The following HTR3B variants were observed in gnomAD, a reference collection of about 807,000 sequenced individuals.
HTR3B encodes the protein 5-hydroxytryptamine (serotonin) receptor 3B, ionotropic.
HTR3B carries 44 observed loss-of-function variants against 42.8 expected under a neutral mutation model. The observed-to-expected ratio is 1.03, with a 90% confidence interval of 0.81 to 1.32. The LOEUF is 1.32. Ranked by LOEUF, HTR3B falls within the 40% of genes most tolerant of loss-of-function variation. HTR3B has a pLI of 0.00. For synonymous variants in HTR3B, 203 were observed against 209.0 expected (o/e 0.97, Z 0.25); for missense variants, 527 against 536.5 (o/e 0.98, Z 0.17).
rs116501837 is a variant in HTR3B at position 113,925,670 on chromosome 11, C to T, written c.214-5714C>T. Among the ~76,000 whole-genome samples the T allele has an allele frequency of 1.7e-3, 264 of 151,856 alleles. 1 individual carries two copies. The highest frequency in any genetic ancestry group is 6.0e-3 in the African/African-American group (247 of 41,434). The stretch of plus-strand genomic sequence containing the variant: ...CACATTTTATTTCCTATTTCTTCAT[C>T]TTGTGTTTTTTATCCTTTTATTCTC... On this transcript the variant is annotated intron_variant, in intron 2 of 8. Coordinates refer to ENST00000260191, the MANE Select transcript of HTR3B (RefSeq NM_006028.5).
rs539974762 is a variant in HTR3B, at chr11:113,917,609, T to G, written c.213+8154T>G. On this transcript the variant is annotated intron_variant, in intron 2 of 8. Coordinates refer to ENST00000260191, the MANE Select transcript of HTR3B (RefSeq NM_006028.5). ...ACACATTTAGACTTATATTTTTCTTTGTCTTTGGGGGTTTTTTTTGAGACA... is the reference window on the plus strand; with the variant it reads ...ACACATTTAGACTTATATTTTTCTTGGTCTTTGGGGGTTTTTTTTGAGACA... Among the ~76,000 whole-genome samples, 295 of 152,206 alleles carry G rather than the reference T, an allele frequency of 1.9e-3. 1 individual carries two copies. Among genetic ancestry groups the G allele is most frequent in the Non-Finnish European group, 3.2e-3 (215 of 68,006 alleles).
chr11:113,930,197 CA>C (rs751862285), intron 2 of HTR3B, among the ~76,000 whole-genome samples: 13 of 152,060 alleles, frequency 8.5e-5, no homozygotes, highest in Non-Finnish European at 1.6e-4. Flanking sequence ...CTTTAAAGCA[CA>C]AAAGTTTTTA....
At chr11:113,919,125 G>C (rs1949886834) in intron 2 of HTR3B, among the ~76,000 whole-genome samples, 2 of 151,940 alleles carry the variant, frequency 1.3e-5, no homozygotes, top group South Asian at 4.2e-4. Flanking sequence ...TTGGATTATA[G>C]TTCCTCTATT....
intron 2 of HTR3B, among the ~76,000 whole-genome samples, chr11:113,930,202 GTTT>G (rs1950019601): frequency 6.6e-6 from 1 of 152,070 alleles, no homozygotes; most frequent in Non-Finnish European, 1.5e-5. Context: ...AAGCACAAAA[GTTT>G]TTAATTTTGG....
In HTR3B at chr11:113,913,516, A is replaced by T. The variant is rs866110702; in HGVS notation, c.213+4061A>T. ...GTGAGCCACCATGCTTGGCCTTTTTAAAAAAAATTTTATTTTTAGATGAAA... is the reference window on the plus strand; with the variant it reads ...GTGAGCCACCATGCTTGGCCTTTTTTAAAAAAATTTTATTTTTAGATGAAA... On this transcript the variant is annotated intron_variant, in intron 2 of 8. Coordinates refer to ENST00000260191, the MANE Select transcript of HTR3B (RefSeq NM_006028.5). Among the ~76,000 whole-genome samples the T allele has an allele frequency of 5.4e-4, 80 of 147,794 alleles. 1 individual carries two copies. The highest frequency in any genetic ancestry group is 1.8e-3 in the East Asian group (9 of 4,974).
chr11:113,923,264 A>G (rs1949933649), intron 2 of HTR3B, among the ~76,000 whole-genome samples: 1 of 152,238 alleles, frequency 6.6e-6, no homozygotes, highest in African/African-American at 2.4e-5. Flanking sequence ...AACTGCTGGC[A>G]ACTTTTGTTT....
chr11:113,901,664 A>C (rs554381904), upstream of HTR3B, among the ~76,000 whole-genome samples: 2 of 152,246 alleles, frequency 1.3e-5, no homozygotes, highest in Admixed American at 6.5e-5. Flanking sequence ...CATAATGGGC[A>C]GGATTACTAG....
At chr11:113,899,147 A>G in the HTR3B span, among the ~76,000 whole-genome samples, 2 of 152,162 alleles carry the variant, frequency 1.3e-5, no homozygotes, top group Non-Finnish European at 2.9e-5. Flanking sequence ...ATAGAAAACC[A>G]TGACACAAAA....
intron 2 of HTR3B, among the ~76,000 whole-genome samples, chr11:113,917,225 C>T (rs1030710817): frequency 1.3e-5 from 2 of 151,772 alleles, no homozygotes; most frequent in South Asian, 2.1e-4. Context: ...CTCCGCTTCC[C>T]GGGTTCAAGT....
upstream of HTR3B, among the ~76,000 whole-genome samples, chr11:113,901,355 T>G (rs1314936038): frequency 6.6e-6 from 1 of 151,522 alleles, no homozygotes; most frequent in African/African-American, 2.4e-5. Flanking sequence ...ATGGGAGGAT[T>G]GCTTGAGGCT....
intron 8 of HTR3B, 119 bp from the exon 9 acceptor site, chr11:113,945,783 C>G: frequency 1.4e-6 from 1 of 712,292 alleles, no homozygotes; most frequent in Non-Finnish European, 2.5e-6. Context: ...CAAACACAAC[C>G]CACTGCTCAG....
At chr11:113,919,653 CCT>C (rs1388646115) in intron 2 of HTR3B, among the ~76,000 whole-genome samples, 1 of 151,996 alleles carries the variant, frequency 6.6e-6, no homozygotes, top group African/African-American at 2.4e-5. Flanking sequence ...TGGAGAAACC[CCT>C]GTCTCTACTA....
chr11:113,941,150 A>T (rs1051118939), intron 6 of HTR3B, among the ~76,000 whole-genome samples: 6 of 152,258 alleles, frequency 3.9e-5, no homozygotes, highest in Non-Finnish European at 7.3e-5. Flanking sequence ...TGAGCCGTTC[A>T]TTGTTTGGTG....
chr11:113,903,042 A>G (rs2137477658), upstream of HTR3B, among the ~76,000 whole-genome samples: 1 of 152,082 alleles, frequency 6.6e-6, no homozygotes, highest in Non-Finnish European at 1.5e-5. Flanking sequence ...CTAATCTTTT[A>G]TTTTTTTGTG....
intron 6 of HTR3B, among the ~76,000 whole-genome samples, chr11:113,942,132 G>A (rs1950139993): frequency 6.6e-6 from 1 of 152,136 alleles, no homozygotes; most frequent in South Asian, 2.1e-4. Context: ...CACTTTGGGA[G>A]GCTGAGGCAG....
At chr11:113,921,791 T>C (rs1314736788) in intron 2 of HTR3B, among the ~76,000 whole-genome samples, 1 of 152,210 alleles carries the variant, frequency 6.6e-6, no homozygotes, top group African/African-American at 2.4e-5. Flanking sequence ...TCAGATTCTT[T>C]ATGGTAGGTA....
At chr11:113,922,464 C>G (rs923928217) in intron 2 of HTR3B, among the ~76,000 whole-genome samples, 1 of 151,992 alleles carries the variant, frequency 6.6e-6, no homozygotes, top group East Asian at 1.9e-4. Flanking sequence ...GAACTCCTGG[C>G]CTCAAGTGAT....
chr11:113,919,261 C>T (rs1419606180), intron 2 of HTR3B, among the ~76,000 whole-genome samples: 1 of 152,138 alleles, frequency 6.6e-6, no homozygotes, highest in East Asian at 1.9e-4. Flanking sequence ...ATGTACGAAA[C>T]TTACAACAGT....
intron 6 of HTR3B, among the ~76,000 whole-genome samples, chr11:113,939,524 C>G (rs145033821): frequency 2.0e-5 from 3 of 152,272 alleles, no homozygotes; most frequent in Non-Finnish European, 2.9e-5. Context: ...TGCCACAGCT[C>G]TCCCTCAGAT....
Sources: allele counts gnomAD v4.1 joint callset (sites outside exome capture counted in the v4.1 genomes callset), GRCh38; gene constraint gnomAD v4.1.1; transcripts MANE v1.5; gene names NCBI Gene and HGNC (gene_info 2026-07-23, HGNC 2026-07-21).